UTP25: variants seen among roughly 807,000 people sequenced by gnomAD.
UTP25 encodes UTP25 small subunit processome component.
A neutral mutation model predicts 78.9 loss-of-function variants in UTP25; 50 were observed. The observed-to-expected ratio is 0.63, with a 90% CI of 0.50 to 0.80. The LOEUF (loss-of-function observed/expected upper bound fraction) is 0.80, where lower values mean the gene tolerates loss of function less well. UTP25 is among the 30% of genes least tolerant of loss of function. UTP25 has a pLI of 0.00. For missense variants in UTP25, 846 were observed against 911.3 expected (o/e 0.93, Z 0.92); for synonymous variants, 329 against 336.5 (o/e 0.98, Z 0.24).
intron 6 of UTP25, 107 bp downstream of exon 6, chr1:209,837,318 A>G (rs893918592): frequency 3.1e-6 from 4 of 1,299,620 alleles, no homozygotes; most frequent in African/African-American, 1.5e-5. Flanking sequence ...ATTGACTGGC[A>G]TAATGAATGA....
At chr1:209,842,557 C>G (rs372209596) in intron 9 of UTP25, 26 bp from the exon 10 acceptor site, 2 of 1,612,326 alleles carry the variant, frequency 1.2e-6, no homozygotes, top group Non-Finnish European at 1.7e-6. Context: ...GGCTGTCCAC[C>G]TAACGCTCTT....
At chr1:209,849,576 C>T (rs761484322) in intron 11 of UTP25, among the ~76,000 whole-genome samples, 31 of 152,150 alleles carry the variant, frequency 2.0e-4, no homozygotes, top group East Asian at 3.9e-4. Context: ...ATGGGTTTCA[C>T]GATAATGGGC....
chr1:209,840,040 A>G (rs1331168056), intron 7 of UTP25, among the ~76,000 whole-genome samples: 1 of 152,226 alleles, frequency 6.6e-6, no homozygotes, highest in Non-Finnish European at 1.5e-5. Flanking sequence ...TTGCAGAGGC[A>G]TCAGGGTGAC....
At chr1:209,833,835 A>G (rs2078117038) in intron 4 of UTP25, among the ~76,000 whole-genome samples, 1 of 152,040 alleles carries the variant, frequency 6.6e-6, no homozygotes. Context: ...CAGACTCTTG[A>G]CCACTCCTGT....
At chr1:209,828,318 C>T in intron 1 of UTP25, 148 bp downstream of exon 1, 1 of 642,476 alleles carries the variant, frequency 1.6e-6, no homozygotes, top group Non-Finnish European at 2.7e-6. Flanking sequence ...GGCGCCATCC[C>T]GCCGGGAGAT....
chr1:209,836,710 A>G, intron 5 of UTP25, 91 bp from the exon 6 acceptor site: 1 of 1,366,968 alleles, frequency 7.3e-7, no homozygotes, highest in East Asian at 2.3e-5. Context: ...TGATCTATAA[A>G]TCATGAAAAA....
At chr1:209,848,854 G>A (rs911527271) in intron 11 of UTP25, among the ~76,000 whole-genome samples, 3 of 152,116 alleles carry the variant, frequency 2.0e-5, no homozygotes, top group Non-Finnish European at 4.4e-5. Flanking sequence ...ACTTATGTCC[G>A]GCCGCACCCC....
At position 209,852,833 on chromosome 1, in the gene UTP25, T is replaced by C. The variant is rs2078249081; in HGVS notation, c.*1386T>C. The C allele has an allele frequency of 6.6e-6, 1 of 152,216 alleles. No individual in the cohort carries two copies. Among genetic ancestry groups the C allele is most frequent in the Non-Finnish European group, 1.5e-5 (1 of 68,046 alleles). 9.4% of individuals were successfully genotyped at this position (152,216 alleles called of 1,614,324 possible). ...GTTGTCTAAATTTGCTTCACATTAA[T>C]ATCTAAATTTACTTTCATATCCATA... is the stretch of plus-strand genomic sequence containing the variant. On this transcript the variant is annotated 3_prime_UTR_variant, in exon 12 of 12. Transcript: ENST00000491415.
chr1:209,846,767 C>T (rs1034298603), intron 11 of UTP25, among the ~76,000 whole-genome samples: 7 of 152,188 alleles, frequency 4.6e-5, no homozygotes, highest in Non-Finnish European at 2.9e-5. Context: ...GAGGCCCTGG[C>T]CATGTTCTCT....
intron 11 of UTP25, among the ~76,000 whole-genome samples, chr1:209,850,188 T>C (rs920036052): frequency 1.3e-5 from 2 of 152,248 alleles, no homozygotes; most frequent in East Asian, 3.8e-4. Context: ...TCGAGTTTTA[T>C]ACATTCTAAG....
intron 11 of UTP25, among the ~76,000 whole-genome samples, chr1:209,849,803 C>T (rs2078220735): frequency 6.6e-6 from 1 of 152,214 alleles, no homozygotes; most frequent in Admixed American, 6.5e-5. Context: ...TTACTACCCA[C>T]TTTTTTGGCA....
chr1:209,851,500 A>T lies in UTP25; in HGVS notation c.*53A>T. Reference sequence around the variant, plus strand: ...GGCATGATACATAATGTTTGATTCTATGCCATTTGGACCCAATTCTGATTA... The same window carrying T: ...GGCATGATACATAATGTTTGATTCTTTGCCATTTGGACCCAATTCTGATTA... On this transcript the variant is annotated 3_prime_UTR_variant, in exon 12 of 12. Transcript: ENST00000491415. 6.5e-7 allele frequency: 1 copy of T among 1,538,326 alleles called. No homozygotes were observed. Among genetic ancestry groups the T allele is most frequent in the South Asian group, 1.3e-5 (1 of 77,462 alleles).
In UTP25 at chr1:209,828,107, C is replaced by A. The variant is rs141369764; in HGVS notation, c.44C>A (p.Thr15Asn). The change falls in exon 1 of 12, where the codon ACC becomes AAC. Residue 15 changes from threonine (T) to asparagine (N), a missense_variant. Coordinates refer to ENST00000491415, the MANE Select transcript of UTP25 (RefSeq NM_014388.7). ...GSRSQSQLLN[T>N]LTKKQKKHLR... The stretch of plus-strand genomic sequence containing the variant: ...CGGAGCCAGAGCCAGCTACTCAACA[C>A]CCTAACTAAAAAGCAGAAGAAACAT... 1.2e-6 allele frequency: 2 copies of A among 1,614,168 alleles called. No homozygotes were observed. The highest frequency in any genetic ancestry group is 1.7e-6 in the Non-Finnish European group (2 of 1,180,032).
intron 11 of UTP25, among the ~76,000 whole-genome samples, chr1:209,849,280 G>A (rs1361761396): frequency 6.6e-6 from 1 of 152,186 alleles, no homozygotes. Flanking sequence ...TTGTGGTGAA[G>A]TGTATACAGC....
In UTP25 at chr1:209,842,462, T is replaced by A; in HGVS notation, c.1668+15T>A. The A allele has an allele frequency of 6.2e-7, 1 of 1,614,120 alleles. No homozygotes were observed. Among genetic ancestry groups the A allele is most frequent in the Admixed American group, 1.7e-5 (1 of 60,028 alleles). ...TGCAAGGCCAGGTGGGTTCTCGTCTTGTTTCCTCAGTATCTTCATGAGCAC... is the reference window on the plus strand; with the variant it reads ...TGCAAGGCCAGGTGGGTTCTCGTCTAGTTTCCTCAGTATCTTCATGAGCAC... On this transcript the variant is annotated intron_variant, in intron 9 of 11. Coordinates refer to ENST00000491415, the MANE Select transcript of UTP25 (RefSeq NM_014388.7).
intron 11 of UTP25, among the ~76,000 whole-genome samples, chr1:209,846,997 T>G (rs997498307): frequency 6.6e-5 from 10 of 152,014 alleles, no homozygotes; most frequent in African/African-American, 2.4e-4. Flanking sequence ...ATCTTTTTTA[T>G]GTGAAAAATG....
Position 209,833,323 on chromosome 1 carries a change from A to G in UTP25, c.527A>G (p.Glu176Gly), listed in dbSNP as rs1195181442. 1 of 1,590,940 alleles carries G rather than the reference A, an allele frequency of 6.3e-7. No individual in the cohort carries two copies. Among genetic ancestry groups the G allele is most frequent in the Non-Finnish European group, 8.5e-7 (1 of 1,171,542 alleles). Residue 176 changes from glutamate (E) to glycine (G), a missense_variant, in exon 4 of 12, where the codon GAA becomes GGA. Transcript: ENST00000491415. ...FSLETNFLEE[E>G]SGDNSSLKAS... is the part of the protein sequence containing the mutation. ...CTGGAAACCAATTTTCTGGAAGAGG[A>G]AAGTGGAGACAACTCTTCTTTGAAA...
At position 209,854,701 on chromosome 1, in the gene UTP25, C is replaced by T. The variant is rs1051592091; in HGVS notation, c.*3254C>T. ...TCTAGGGTCTCAAGATTACAGAAGGCCTGGGGTGAGGGAGCAAGAGTTGGA... is the reference window on the plus strand; with the variant it reads ...TCTAGGGTCTCAAGATTACAGAAGGTCTGGGGTGAGGGAGCAAGAGTTGGA... On this transcript the variant is annotated 3_prime_UTR_variant, in exon 12 of 12. Transcript: ENST00000491415. 1 of 152,356 alleles carries T rather than the reference C, an allele frequency of 6.6e-6. No individual in the cohort carries two copies. Among genetic ancestry groups the T allele is most frequent in the African/African-American group, 2.4e-5 (1 of 41,466 alleles). The allele number at this position is 152,356 out of a possible 1,614,324, so 9.4% of individuals were successfully genotyped here.
rs2078260106 is a variant in UTP25 at position 209,854,478 on chromosome 1, G to A, written c.*3031G>A. ...AAGGGCTTATAATTGAGCACAGATG[G>A]TCCTAGTGGAGATGGGGAATGTGTC... On this transcript the variant is annotated 3_prime_UTR_variant, in exon 12 of 12. Transcript: ENST00000491415. 1 of 152,196 alleles carries A rather than the reference G, an allele frequency of 6.6e-6. No individual in the cohort carries two copies. The highest frequency in any genetic ancestry group is 1.5e-5 in the Non-Finnish European group (1 of 68,040). 9.4% of individuals were successfully genotyped at this position (152,196 alleles called of 1,614,324 possible). A position where few individuals can be genotyped will look rare whatever the true frequency, so the allele number is the denominator to read the frequency against.
Sources: allele counts gnomAD v4.1 joint callset (sites outside exome capture counted in the v4.1 genomes callset), GRCh38; gene constraint gnomAD v4.1.1; transcripts MANE v1.5; gene names NCBI Gene and HGNC (gene_info 2026-07-23, HGNC 2026-07-21).